Variants in PTPRD observed in about 807,000 individuals in gnomAD.
PTPRD encodes protein tyrosine phosphatase receptor type D.
In PTPRD, 34 loss-of-function variants were observed where a neutral mutation model predicts 214.5. The observed-to-expected ratio is 0.16, with a 90% confidence interval of 0.12 to 0.21. The LOEUF (loss-of-function observed/expected upper bound fraction) is 0.21. Among genes scored for constraint, PTPRD ranks in the 10% least tolerant of loss-of-function variants. PTPRD has a pLI of 1.00. For synonymous variants in PTPRD, 1,128 were observed against 845.7 expected (o/e 1.33, Z -5.79); for missense variants, 2,545 against 2,398.7 (o/e 1.06, Z -1.27).
chr9:9,307,474 G>A (rs537194204), intron 9 of PTPRD, among the ~76,000 whole-genome samples: 18 of 152,238 alleles, frequency 1.2e-4, no homozygotes, highest in Non-Finnish European at 2.4e-4. Flanking sequence ...CGATTGCTAA[G>A]ATAGAAACCT....
In PTPRD at chr9:8,389,509, A is replaced by T. The variant is rs535735784; in HGVS notation, c.4211-102T>A. 7.4e-6 allele frequency: 6 copies of T among 815,982 alleles called. No homozygotes were observed. The South Asian group carries it at 1.3e-4, about 18-fold the overall frequency. The allele number at this position is 815,982 out of a possible 1,614,324, so 50.5% of individuals were successfully genotyped here. On this transcript the variant is annotated intron_variant, in intron 36 of 45. Transcript: ENST00000381196. ...GTGCTATCTTACTGTTCCACCTCAC[A>T]CTAGAGAAGTCACAATATATTGAAG...
intron 3 of PTPRD, among the ~76,000 whole-genome samples, chr9:10,195,900 GA>G (rs1211580429): frequency 6.6e-6 from 1 of 152,092 alleles, no homozygotes; most frequent in African/African-American, 2.4e-5. Flanking sequence ...AGCCAGACAT[GA>G]AAAAACTATA....
intron 3 of PTPRD, among the ~76,000 whole-genome samples, chr9:10,179,636 G>A (rs1445146467): frequency 1.3e-5 from 2 of 152,084 alleles, no homozygotes; most frequent in East Asian, 3.9e-4. Context: ...TTTATTGCAT[G>A]CAATGCAATT....
Position 9,795,546 on chromosome 9 carries a change from T to C in PTPRD, c.-367-28695A>G, listed in dbSNP as rs945792130. Among the ~76,000 whole-genome samples the C allele has an allele frequency of 1.7e-4, 26 of 152,296 alleles. 1 individual carries two copies. Among genetic ancestry groups the C allele is most frequent in the African/African-American group, 6.0e-4 (25 of 41,578 alleles). On this transcript the variant is annotated intron_variant, in intron 5 of 45. Transcript: ENST00000381196. ...AAGCATAGTATTGTGTTATCATTGATACTTAGTCAAAAAGGGACGTCAAAA... is the reference window on the plus strand; with the variant it reads ...AAGCATAGTATTGTGTTATCATTGACACTTAGTCAAAAAGGGACGTCAAAA...
At chr9:8,456,550 C>T (rs2096210387) in intron 33 of PTPRD, among the ~76,000 whole-genome samples, 1 of 152,084 alleles carries the variant, frequency 6.6e-6, no homozygotes, top group Non-Finnish European at 1.5e-5. Context: ...GGTGTGGCCA[C>T]ATATTTCTTC....
chr9:9,484,664 C>T (rs2095553626), intron 8 of PTPRD, among the ~76,000 whole-genome samples: 1 of 152,060 alleles, frequency 6.6e-6, no homozygotes, highest in African/African-American at 2.4e-5. Flanking sequence ...GAGAAAGACA[C>T]TGTTATTGGG....
intron 9 of PTPRD, among the ~76,000 whole-genome samples, chr9:9,248,259 A>T (rs1005175619): frequency 6.6e-6 from 1 of 151,634 alleles, no homozygotes; most frequent in Non-Finnish European, 1.5e-5. Context: ...TACTTGGCTA[A>T]TTTTTGTATT....
chr9:10,527,290 G>A (rs540376446), intron 2 of PTPRD, among the ~76,000 whole-genome samples: 5 of 152,054 alleles, frequency 3.3e-5, no homozygotes, highest in African/African-American at 7.2e-5. Flanking sequence ...GTTTACCACC[G>A]ATGCAGTAAA....
At chr9:10,169,078 G>C (rs562565491) in intron 3 of PTPRD, among the ~76,000 whole-genome samples, 1 of 152,102 alleles carries the variant, frequency 6.6e-6, no homozygotes, top group Non-Finnish European at 1.5e-5. Context: ...AGAATGGAGA[G>C]ATAATCCTGA....
At chr9:9,669,959 T>C (rs932190474) in intron 7 of PTPRD, among the ~76,000 whole-genome samples, 1 of 152,208 alleles carries the variant, frequency 6.6e-6, no homozygotes, top group African/African-American at 2.4e-5. Flanking sequence ...ACAAATGTTC[T>C]AATTGCCCCT....
chr9:8,779,490 A>C (rs2154492853), intron 11 of PTPRD, among the ~76,000 whole-genome samples: 1 of 152,168 alleles, frequency 6.6e-6, no homozygotes, highest in East Asian at 1.9e-4. Context: ...TTATCCTTCC[A>C]ATTATTAGAA....
intron 11 of PTPRD, among the ~76,000 whole-genome samples, chr9:8,833,711 TATATACAC>T (rs1283262194): frequency 1.0e-4 from 14 of 137,570 alleles, no homozygotes; most frequent in South Asian, 4.7e-4. Context: ...TATATATATA[TATATACAC>T]ACACACACAC....
chr9:9,810,775 G>T (rs1015840031), intron 5 of PTPRD, among the ~76,000 whole-genome samples: 2 of 151,748 alleles, frequency 1.3e-5, no homozygotes, highest in Admixed American at 6.6e-5. Flanking sequence ...TGACTCTCAG[G>T]TCTTATTGTT....
intron 9 of PTPRD, among the ~76,000 whole-genome samples, chr9:9,279,341 T>TA (rs1356800410): frequency 1.5e-5 from 2 of 137,004 alleles, no homozygotes; most frequent in Non-Finnish European, 3.3e-5. Context: ...TATACCTAAA[T>TA]TTATATATAT....
chr9:10,477,463 T>A (rs572086676), intron 2 of PTPRD, among the ~76,000 whole-genome samples: 1 of 152,040 alleles, frequency 6.6e-6, no homozygotes, highest in African/African-American at 2.4e-5. Context: ...ATGGTGATCA[T>A]TAAAAAGTCA....
At chr9:8,659,997 A>C (rs545831821) in intron 12 of PTPRD, among the ~76,000 whole-genome samples, 1 of 152,274 alleles carries the variant, frequency 6.6e-6, no homozygotes, top group East Asian at 1.9e-4. Context: ...GAATTGTTCA[A>C]AACAACTTCA....
chr9:9,817,683 G>A (rs970594163), intron 5 of PTPRD, among the ~76,000 whole-genome samples: 1 of 152,136 alleles, frequency 6.6e-6, no homozygotes, highest in Non-Finnish European at 1.5e-5. Context: ...AAACAAACGG[G>A]CTAAGGGGTT....
chr9:10,142,710 A>G (rs1271773931), intron 3 of PTPRD, among the ~76,000 whole-genome samples: 1 of 149,408 alleles, frequency 6.7e-6, no homozygotes, highest in Non-Finnish European at 1.5e-5. Flanking sequence ...TGTGGAAGTC[A>G]GTGTGGCGAT....
chr9:9,852,150 T>A (rs2060662552), intron 5 of PTPRD, among the ~76,000 whole-genome samples: 1 of 151,740 alleles, frequency 6.6e-6, no homozygotes. Context: ...TATGGCCAAC[T>A]GAATCTAATT....
Sources: gnomAD v4.1 joint callset for allele counts (sites outside exome capture counted in the v4.1 genomes callset) on GRCh38, gnomAD v4.1.1 for gene constraint, MANE v1.5 for transcripts, NCBI Gene and HGNC (gene_info 2026-07-23, HGNC 2026-07-21) for gene names.